The following SAMD4A variants were observed in gnomAD, a reference collection of about 807,000 sequenced individuals.
SAMD4A encodes protein Smaug homolog 1.
In SAMD4A, 33 loss-of-function variants were observed where a neutral mutation model predicts 81.3. The ratio of observed to expected loss-of-function variants is 0.41; its 90% CI spans 0.31 to 0.54. SAMD4A has a LOEUF of 0.54. Ranked by LOEUF, SAMD4A falls within the 20% of genes least tolerant of loss-of-function variation. The pLI is 0.37. For missense variants in SAMD4A, 854 were observed against 951.1 expected (o/e 0.90, Z 1.34); for synonymous variants, 389 against 382.1 (o/e 1.02, Z -0.21).
chr14:54,624,963 A>C (rs2034710528), intron 2 of SAMD4A, among the ~76,000 whole-genome samples: 1 of 152,210 alleles, frequency 6.6e-6, no homozygotes, highest in South Asian at 2.1e-4. Context: ...ACATATCTGG[A>C]ATGACAGCAA....
At chr14:54,752,229 T>C (rs1042690311) in intron 6 of SAMD4A, among the ~76,000 whole-genome samples, 1 of 152,238 alleles carries the variant, frequency 6.6e-6, no homozygotes, top group African/African-American at 2.4e-5. Flanking sequence ...CTTACCTTTG[T>C]GTCTGGATGC....
chr14:54,610,527 T>C (rs1249494783), intron 2 of SAMD4A, among the ~76,000 whole-genome samples: 2 of 152,216 alleles, frequency 1.3e-5, no homozygotes, highest in Non-Finnish European at 2.9e-5. Context: ...ATATCTCTGA[T>C]CTTTGGTTCT....
chr14:54,606,014 A>G lies in SAMD4A; in HGVS notation c.196+37902A>G, dbSNP rs564018284. ...ATAAAACAATAATCAACCTATTTCA[A>G]CAGGTGTTTATTAGGTGCCCATTTT... On this transcript the variant is annotated intron_variant, in intron 2 of 12. Transcript: ENST00000554335. 3.2e-3 allele frequency among the ~76,000 whole-genome samples: 492 copies of G among 152,302 alleles called. 1 individual carries two copies. Among genetic ancestry groups the G allele is most frequent in the Non-Finnish European group, 6.1e-3 (413 of 68,028 alleles).
At chr14:54,630,448 G>A (rs879513107) in intron 2 of SAMD4A, among the ~76,000 whole-genome samples, 27 of 152,116 alleles carry the variant, frequency 1.8e-4, no homozygotes, top group Non-Finnish European at 3.4e-4. Context: ...GTTGGCCATC[G>A]TCCCATGTGC....
chr14:54,774,226 G>C (rs1039101696), intron 9 of SAMD4A, among the ~76,000 whole-genome samples: 1 of 152,214 alleles, frequency 6.6e-6, no homozygotes, highest in Non-Finnish European at 1.5e-5. Flanking sequence ...CAAGGATTAC[G>C]CGCTGTTTTA....
chr14:54,656,655 T>A (rs2035526680), intron 2 of SAMD4A, among the ~76,000 whole-genome samples: 2 of 152,088 alleles, frequency 1.3e-5, no homozygotes, highest in Non-Finnish European at 2.9e-5. Context: ...TGAGATGGAG[T>A]CTCACTGTGT....
chr14:54,687,241 A>G (rs1054266818), intron 2 of SAMD4A: 3 of 346,390 alleles, frequency 8.7e-6, no homozygotes, highest in African/African-American at 3.3e-5. Flanking sequence ...AAAATAAGAA[A>G]GAGAAAAGAT....
intron 2 of SAMD4A, among the ~76,000 whole-genome samples, chr14:54,569,461 G>GGCCA (rs1290973831): frequency 2.0e-5 from 3 of 152,014 alleles, no homozygotes; most frequent in Non-Finnish European, 4.4e-5. Context: ...AAGTATGGAG[G>GGCCA]GCCACATTGA....
chr14:54,745,667 G>A (rs1566616274), intron 4 of SAMD4A, among the ~76,000 whole-genome samples: 1 of 152,294 alleles, frequency 6.6e-6, no homozygotes, highest in East Asian at 1.9e-4. Context: ...CAAATATCAG[G>A]ATTCCCACAC....
chr14:54,755,329 C>A (rs1300718922), intron 6 of SAMD4A, among the ~76,000 whole-genome samples: 1 of 152,080 alleles, frequency 6.6e-6, no homozygotes, highest in Admixed American at 6.6e-5. Flanking sequence ...GTGGAAATGG[C>A]AAGTCAGTGG....
intron 2 of SAMD4A, among the ~76,000 whole-genome samples, chr14:54,685,243 T>C (rs2036229968): frequency 6.8e-6 from 1 of 148,004 alleles, no homozygotes; most frequent in African/African-American, 2.5e-5. Context: ...GAAACTCTGT[T>C]CCCATTAAAC....
At chr14:54,626,065 C>T (rs1191908469) in intron 2 of SAMD4A, among the ~76,000 whole-genome samples, 54 of 99,590 alleles carry the variant, frequency 5.4e-4, no homozygotes, top group African/African-American at 1.6e-3. Flanking sequence ...TGTGTGCGCG[C>T]GCGCGCGCGC....
intron 6 of SAMD4A, among the ~76,000 whole-genome samples, chr14:54,757,502 T>C (rs1027968310): frequency 4.6e-5 from 7 of 151,988 alleles, no homozygotes; most frequent in Non-Finnish European, 1.0e-4. Context: ...CATGCATATG[T>C]TTCCTGTTTG....
At chr14:54,653,837 A>G (rs1464601950) in intron 2 of SAMD4A, among the ~76,000 whole-genome samples, 1 of 152,152 alleles carries the variant, frequency 6.6e-6, no homozygotes, top group Non-Finnish European at 1.5e-5. Flanking sequence ...CAGCCACCCC[A>G]TCTTCCCCTT....
chr14:54,668,799 G>A (rs1217198698), intron 2 of SAMD4A: 1 of 152,204 alleles, frequency 6.6e-6, no homozygotes, highest in East Asian at 1.9e-4. Flanking sequence ...CAGGTGAGGA[G>A]ACCGAGGCAA....
At chr14:54,767,663 T>C (rs571204923) in intron 8 of SAMD4A, among the ~76,000 whole-genome samples, 3 of 152,340 alleles carry the variant, frequency 2.0e-5, no homozygotes, top group African/African-American at 2.4e-5. Context: ...TTGCTGGGCA[T>C]GAAGCCTTCC....
chr14:54,580,189 C>T (rs947156081), intron 2 of SAMD4A, among the ~76,000 whole-genome samples: 2 of 152,124 alleles, frequency 1.3e-5, no homozygotes, highest in African/African-American at 2.4e-5. Flanking sequence ...CGACTTTGAC[C>T]TAGACTTTGG....
At chr14:54,579,011 G>C (rs1594687412) in intron 2 of SAMD4A, among the ~76,000 whole-genome samples, 1 of 152,194 alleles carries the variant, frequency 6.6e-6, no homozygotes, top group African/African-American at 2.4e-5. Flanking sequence ...CAGAATTGCT[G>C]TCTAAACCTC....
intron 2 of SAMD4A, among the ~76,000 whole-genome samples, chr14:54,685,282 C>G (rs112575850): frequency 0.65 from 90,776 of 139,786 alleles, 30,914 homozygotes; most frequent in Non-Finnish European, 0.79. Flanking sequence ...CTGCCCCCCC[C>G]CCCAGCTCCT....
Sources: gnomAD v4.1 joint callset for allele counts (sites outside exome capture counted in the v4.1 genomes callset) on GRCh38, gnomAD v4.1.1 for gene constraint, MANE v1.5 for transcripts, NCBI Gene and HGNC (gene_info 2026-07-23, HGNC 2026-07-21) for gene names.